Variants in LRBA observed in about 807,000 individuals in gnomAD.
LRBA encodes LPS responsive beige-like anchor protein.
A neutral mutation model predicts 330.0 loss-of-function variants in LRBA; 176 were observed. The ratio of observed to expected loss-of-function variants is 0.53; its 90% CI spans 0.47 to 0.60. The LOEUF (loss-of-function observed/expected upper bound fraction) is 0.60. Ranked by LOEUF, LRBA falls within the 20% of genes least tolerant of loss-of-function variation. The probability of loss-of-function intolerance (pLI) is 0.00; values close to 1 mark genes in which losing one functional copy is unlikely to be tolerated. For missense variants in LRBA, 3,259 were observed against 3,444.8 expected, an observed-to-expected ratio of 0.95 and a Z score of 1.35; for synonymous variants, 1,230 against 1,193.0, an observed-to-expected ratio of 1.03 and a Z score of -0.64.
chr4:150,988,316 A>C (rs1244950556), intron 2 of LRBA, among the ~76,000 whole-genome samples: 3 of 152,170 alleles, frequency 2.0e-5, no homozygotes, highest in Non-Finnish European at 4.4e-5. Context: ...TATTTCATCA[A>C]TTTCATATAA....
At chr4:150,538,257 A>G (rs1021404967) in intron 40 of LRBA, among the ~76,000 whole-genome samples, 6 of 152,182 alleles carry the variant, frequency 3.9e-5, no homozygotes, top group Admixed American at 3.9e-4. Context: ...AAACAGAACT[A>G]CCATTTGACC....
chr4:150,780,645 A>G (rs374084458), intron 34 of LRBA, among the ~76,000 whole-genome samples: 52 of 8,708 alleles, frequency 6.0e-3, no homozygotes, highest in African/African-American at 0.012. Flanking sequence ...ATATATATAT[A>G]TGTGTATATA....
Position 150,841,664 on chromosome 4 carries a change from A to AT in LRBA, c.4569+2435dup, listed in dbSNP as rs529213480. ...TTTATTTTTTAAATTTTTTTATTTTATTTTTTGAGACAGAGTCTTGCTCTG... is the reference window on the plus strand; with the variant it reads ...TTTATTTTTTAAATTTTTTTATTTTATTTTTTTGAGACAGAGTCTTGCTCTG... On this transcript the variant is annotated intron_variant, in intron 28 of 56. Coordinates refer to ENST00000651943, the MANE Select transcript of LRBA (RefSeq NM_001364905.1). 2.9e-4 allele frequency among the ~76,000 whole-genome samples: 43 copies of AT among 146,692 alleles called. No homozygotes were observed. The Middle Eastern group carries it at 0.01, about 35-fold the overall frequency.
chr4:150,723,399 T>G (rs1225996311), intron 36 of LRBA, among the ~76,000 whole-genome samples: 1 of 152,182 alleles, frequency 6.6e-6, no homozygotes, highest in African/African-American at 2.4e-5. Context: ...GGCAGAGTCA[T>G]GAGGCCCCGT....
At chr4:150,876,817 C>G (rs79723668) in intron 17 of LRBA, among the ~76,000 whole-genome samples, 3,475 of 152,168 alleles carry the variant, frequency 0.023, 123 homozygotes, top group African/African-American at 0.079. Flanking sequence ...TACAAAGCAA[C>G]CAGCTAACAA....
intron 37 of LRBA, among the ~76,000 whole-genome samples, chr4:150,634,563 G>T (rs1777699612): frequency 6.6e-6 from 1 of 152,168 alleles, no homozygotes; most frequent in Non-Finnish European, 1.5e-5. Context: ...TTCAATTCAT[G>T]ACGTCCATTT....
chr4:150,814,386 A>T (rs2126753887), intron 31 of LRBA, among the ~76,000 whole-genome samples: 1 of 152,140 alleles, frequency 6.6e-6, no homozygotes, highest in South Asian at 2.1e-4. Context: ...GCAGAAGAGT[A>T]AGAAGCAGGA....
At chr4:150,330,599 G>A (rs1296980050) in intron 48 of LRBA, among the ~76,000 whole-genome samples, 1 of 152,078 alleles carries the variant, frequency 6.6e-6, no homozygotes, top group Non-Finnish European at 1.5e-5. Flanking sequence ...GAGATCCCTC[G>A]CATGTGCAGT....
intron 47 of LRBA, among the ~76,000 whole-genome samples, chr4:150,363,516 TTTTA>T (rs1342988958): frequency 1.3e-5 from 2 of 152,252 alleles, no homozygotes; most frequent in Non-Finnish European, 2.9e-5. Flanking sequence ...TTGTTTACTT[TTTTA>T]TTTATTATCT....
chr4:150,879,148 A>G (rs912380071), intron 17 of LRBA, among the ~76,000 whole-genome samples: 1 of 152,178 alleles, frequency 6.6e-6, no homozygotes, highest in East Asian at 1.9e-4. Context: ...CAAATCCAGC[A>G]ACACATCAAA....
intron 17 of LRBA, among the ~76,000 whole-genome samples, chr4:150,880,173 G>A (rs191491920): frequency 8.5e-5 from 13 of 152,290 alleles, no homozygotes; most frequent in Middle Eastern, 3.4e-3. Flanking sequence ...AAATAGTATT[G>A]GAATAGCTGG....
At chr4:150,936,935 A>G (rs1012340313) in intron 2 of LRBA, among the ~76,000 whole-genome samples, 10 of 152,036 alleles carry the variant, frequency 6.6e-5, no homozygotes, top group Non-Finnish European at 1.3e-4. Flanking sequence ...CCTCGTTACA[A>G]CTAACATAAG....
chr4:150,652,130 G>C (rs528190318), intron 37 of LRBA, among the ~76,000 whole-genome samples: 1 of 151,994 alleles, frequency 6.6e-6, no homozygotes, highest in Non-Finnish European at 1.5e-5. Flanking sequence ...GCCACTACGC[G>C]GGGCACCAAT....
chr4:150,867,100 T>C (rs1187861223), intron 22 of LRBA, among the ~76,000 whole-genome samples: 3 of 146,596 alleles, frequency 2.0e-5, no homozygotes, highest in Non-Finnish European at 4.5e-5. Flanking sequence ...CTAAACTTAC[T>C]TTGGCTTAAT....
At chr4:150,269,204 A>G (rs980602545) in intron 56 of LRBA, among the ~76,000 whole-genome samples, 7 of 152,216 alleles carry the variant, frequency 4.6e-5, no homozygotes, top group African/African-American at 1.7e-4. Flanking sequence ...CAATCTTGAA[A>G]AAGAAGAAAT....
chr4:150,425,141 T>G (rs530952207), intron 46 of LRBA, among the ~76,000 whole-genome samples: 1 of 152,364 alleles, frequency 6.6e-6, no homozygotes, highest in African/African-American at 2.4e-5. Flanking sequence ...AAATTATCTC[T>G]TTTGACAGAT....
At chr4:150,485,528 T>C (rs1275999645) in intron 42 of LRBA, among the ~76,000 whole-genome samples, 1 of 151,864 alleles carries the variant, frequency 6.6e-6, no homozygotes, top group Non-Finnish European at 1.5e-5. Context: ...CCAAGTCCAA[T>C]ATGGCTGGTG....
At chr4:150,937,105 A>C (rs1735153248) in intron 2 of LRBA, among the ~76,000 whole-genome samples, 1 of 152,124 alleles carries the variant, frequency 6.6e-6, no homozygotes, top group African/African-American at 2.4e-5. Context: ...ATATCCAGAC[A>C]GGTGTTTTAA....
chr4:150,739,117 A>G (rs1390827845), intron 35 of LRBA, among the ~76,000 whole-genome samples: 1 of 152,168 alleles, frequency 6.6e-6, no homozygotes, highest in South Asian at 2.1e-4. Flanking sequence ...TAGTATGAGA[A>G]GCAAACAGAA....
Sources: allele counts gnomAD v4.1 joint callset (sites outside exome capture counted in the v4.1 genomes callset), GRCh38; gene constraint gnomAD v4.1.1; transcripts MANE v1.5; gene names NCBI Gene and HGNC (gene_info 2026-07-23, HGNC 2026-07-21).